The following STK40 variants were observed in gnomAD, a reference collection of about 807,000 sequenced individuals.
STK40 encodes the protein serine/threonine kinase 40.
STK40 carries 13 observed loss-of-function variants against 47.9 expected under a neutral mutation model. The observed-to-expected ratio is 0.27, with a 90% CI of 0.18 to 0.43. The LOEUF (loss-of-function observed/expected upper bound fraction) is 0.43, where lower values mean the gene tolerates loss of function less well. Among genes scored for constraint, STK40 ranks in the 20% least tolerant of loss-of-function variants. The pLI is 1.00. For synonymous variants in STK40, 225 were observed against 243.2 expected, an observed-to-expected ratio of 0.93 and a Z score of 0.69; for missense variants, 460 against 595.1, an observed-to-expected ratio of 0.77 and a Z score of 2.36.
rs966167122 is a variant in STK40, at chr1:36,343,867, C to A, written c.997G>T (p.Ala333Ser). 6.3e-7 allele frequency: 1 copy of A among 1,592,806 alleles called. No homozygotes were observed. The highest frequency in any genetic ancestry group is 8.6e-7 in the Non-Finnish European group (1 of 1,165,662). ...AAGTGCCTGTCCACTTACCATGATGCAATGATGGCACTGAGGGCCTCCAGG... is the reference window on the plus strand; with the variant it reads ...AAGTGCCTGTCCACTTACCATGATGAAATGATGGCACTGAGGGCCTCCAGG... ...DVLEALSAIIASWQSLSSLSG... is the reference protein window; with the variant it reads ...DVLEALSAIISSWQSLSSLSG... Residue 333 changes from alanine to serine, a missense_variant, in exon 9 of 11, where the codon GCA (alanine) becomes TCA (serine). By Grantham distance (99) the Ala-to-Ser change is moderately conservative. Coordinates refer to ENST00000373132, the MANE Select transcript of STK40 (RefSeq NM_001282547.2).
Position 36,370,053 on chromosome 1 carries a change from A to T in STK40, c.-8-8713T>A, listed in dbSNP as rs112784919. On this transcript the variant is annotated intron_variant, in intron 1 of 10. Coordinates refer to ENST00000373132, the MANE Select transcript of STK40 (RefSeq NM_001282547.2). ...GCTGGAGACAGGGTGCCACAGCTGT[A>T]GGTAACTGGGGCTGCACTGGATAGT... 7.1e-3 allele frequency among the ~76,000 whole-genome samples: 1,085 copies of T among 152,362 alleles called. 8 individuals are homozygous for T. Among genetic ancestry groups the T allele is most frequent in the African/African-American group, 0.025 (1,020 of 41,586 alleles).
At chr1:36,357,461 G>A (rs529821222) in intron 4 of STK40, among the ~76,000 whole-genome samples, 2 of 152,308 alleles carry the variant, frequency 1.3e-5, no homozygotes, top group South Asian at 2.1e-4. Context: ...TTCATTTCTG[G>A]AGATACAACT....
At position 36,342,054 on chromosome 1, in the gene STK40, T is replaced by G. The variant is rs985387496; in HGVS notation, c.1090-81A>C. The G allele has an allele frequency of 4.4e-6, 6 of 1,348,842 alleles. No individual in the cohort carries two copies. In the African/African-American group the frequency reaches 7.2e-5, roughly 16 times the overall value. 83.6% of individuals were successfully genotyped at this position (1,348,842 alleles called of 1,614,324 possible). On this transcript the variant is annotated intron_variant, in intron 10 of 10. Transcript: ENST00000373132. ...CAGCAGACAGGAGGGCAGGCAAGAGTGCTGGCAGCCTGGCTCCTGCAGTCA... is the reference window on the plus strand; with the variant it reads ...CAGCAGACAGGAGGGCAGGCAAGAGGGCTGGCAGCCTGGCTCCTGCAGTCA...
chr1:36,368,295 G>A (rs1646918276), intron 1 of STK40, among the ~76,000 whole-genome samples: 1 of 151,730 alleles, frequency 6.6e-6, no homozygotes, highest in Non-Finnish European at 1.5e-5. Context: ...TTTTTTTCGA[G>A]ACAGGGTCTT....
At chr1:36,345,987 A>ATTTTTTTTTTT (rs1397972473) in intron 7 of STK40, among the ~76,000 whole-genome samples, 16 of 17,258 alleles carry the variant, frequency 9.3e-4, no homozygotes, top group Non-Finnish European at 1.4e-3. Context: ...ATATATATAT[A>ATTTTTTTTTTT]TATATTTTTT....
At chr1:36,348,590 G>T in intron 7 of STK40, 110 bp downstream of exon 7, 1 of 936,500 alleles carries the variant, frequency 1.1e-6, no homozygotes, top group Admixed American at 2.0e-5. Context: ...TGGGCCCCCA[G>T]TGAAGCCCCA....
At chr1:36,376,301 T>G (rs992659189) in intron 1 of STK40, among the ~76,000 whole-genome samples, 1 of 152,212 alleles carries the variant, frequency 6.6e-6, no homozygotes, top group Non-Finnish European at 1.5e-5. Context: ...TCTGCTTATA[T>G]GTAGGTCTCG....
intron 5 of STK40, 41 bp from the exon 6 acceptor site, chr1:36,354,457 G>A: frequency 6.2e-7 from 1 of 1,611,654 alleles, no homozygotes; most frequent in Non-Finnish European, 8.5e-7. Context: ...GTCAATGTGA[G>A]AGGTGGGGTC....
At chr1:36,368,532 G>C (rs1049919621) in intron 1 of STK40, among the ~76,000 whole-genome samples, 1 of 152,142 alleles carries the variant, frequency 6.6e-6, no homozygotes, top group Non-Finnish European at 1.5e-5. Context: ...GATTACAGGC[G>C]TGAGCCACCA....
chr1:36,369,119 T>G (rs1314290752), intron 1 of STK40, among the ~76,000 whole-genome samples: 1 of 152,236 alleles, frequency 6.6e-6, no homozygotes, highest in Admixed American at 6.5e-5. Context: ...TTCAGTCTTT[T>G]ATGGCCCCCT....
At chr1:36,346,781 G>A (rs1418930558) in intron 7 of STK40, among the ~76,000 whole-genome samples, 1 of 152,234 alleles carries the variant, frequency 6.6e-6, no homozygotes, top group Non-Finnish European at 1.5e-5. Context: ...GCCTCAGACT[G>A]CAAATGAAGG....
At position 36,343,921 on chromosome 1, in the gene STK40, G is replaced by A. The variant is rs1277668581; in HGVS notation, c.943C>T (p.Pro315Ser). 3 of 1,608,096 alleles carry A rather than the reference G, an allele frequency of 1.9e-6. No homozygotes were observed. The highest frequency in any genetic ancestry group is 2.6e-6 in the Non-Finnish European group (3 of 1,175,728). The change falls in exon 9 of 11, where the codon CCC becomes TCC. Residue 315 changes from proline (P) to serine (S), a missense_variant. Coordinates refer to ENST00000373132, the MANE Select transcript of STK40 (RefSeq NM_001282547.2). ...TCGGCGGCGGCCAGGCGCTGCTGGG[G>A]GTCAAGGACCAGCAGCTTCCGGATG... ...CLIRKLLVLD[P>S]QQRLAAADVL... is the part of the protein sequence containing the mutation.
intron 1 of STK40, among the ~76,000 whole-genome samples, chr1:36,369,210 G>T (rs954269599): frequency 6.6e-6 from 1 of 152,222 alleles, no homozygotes; most frequent in African/African-American, 2.4e-5. Flanking sequence ...CCACCTGGTG[G>T]TGTCTTTCTG....
intron 2 of STK40, among the ~76,000 whole-genome samples, chr1:36,360,938 G>A (rs570659074): frequency 3.3e-5 from 5 of 152,226 alleles, no homozygotes; most frequent in South Asian, 2.1e-4. Flanking sequence ...TCTCTGGGGG[G>A]AGAGTCGGAG....
At position 36,348,706 on chromosome 1, in the gene STK40, G is replaced by C; in HGVS notation, c.733C>G (p.Leu245Val). The change falls in exon 7 of 11, where the codon CTC becomes GTC. Residue 245 changes from leucine (L) to valine (V), a missense_variant. Physicochemically the swap from Leu to Val is conservative, Grantham distance 32. Coordinates refer to ENST00000373132, the MANE Select transcript of STK40 (RefSeq NM_001282547.2). ...GSPAYISPDVLSGRPYRGKPS... is the reference protein window; with the variant it reads ...GSPAYISPDVVSGRPYRGKPS... The stretch of plus-strand genomic sequence containing the variant: ...GTCTGGCACACACACGTACCGCTGA[G>C]CACGTCGGGACTGATGTAGGCAGGG... The C allele has an allele frequency of 6.2e-7, 1 of 1,606,416 alleles. No homozygotes were observed. Among genetic ancestry groups the C allele is most frequent in the Non-Finnish European group, 8.5e-7 (1 of 1,176,282 alleles).
At chr1:36,363,186 C>T (rs758498809) in intron 1 of STK40, among the ~76,000 whole-genome samples, 12 of 151,876 alleles carry the variant, frequency 7.9e-5, no homozygotes, top group Non-Finnish European at 1.5e-4. Context: ...TGATGGTGGG[C>T]GCCTGTCTCG....
At chr1:36,381,823 C>T (rs888185643) in intron 1 of STK40, among the ~76,000 whole-genome samples, 2 of 152,080 alleles carry the variant, frequency 1.3e-5, no homozygotes, top group Non-Finnish European at 2.9e-5. Flanking sequence ...TGAAGTTCTC[C>T]CCAGTCTCCT....
At chr1:36,365,237 G>A (rs1439559829) in intron 1 of STK40, among the ~76,000 whole-genome samples, 1 of 152,134 alleles carries the variant, frequency 6.6e-6, no homozygotes, top group African/African-American at 2.4e-5. Context: ...CGATACGCCC[G>A]CCTCGGCCTC....
chr1:36,369,099 T>C (rs1646924271), intron 1 of STK40, among the ~76,000 whole-genome samples: 1 of 152,222 alleles, frequency 6.6e-6, no homozygotes, highest in South Asian at 2.1e-4. Flanking sequence ...CAGCCTGGCA[T>C]GAACAGGAAT....
Sources: gnomAD v4.1 joint callset for allele counts (sites outside exome capture counted in the v4.1 genomes callset) on GRCh38, gnomAD v4.1.1 for gene constraint, MANE v1.5 for transcripts, NCBI Gene and HGNC (gene_info 2026-07-23, HGNC 2026-07-21) for gene names.